Variants in MYZAP observed in about 807,000 individuals in gnomAD.
MYZAP encodes the protein myocardial zonula adherens protein.
Under a neutral mutation model 69.4 loss-of-function variants are expected in MYZAP, and 66 were observed. That is an observed-to-expected ratio of 0.95 (90% CI 0.78 to 1.17). The LOEUF (loss-of-function observed/expected upper bound fraction) is 1.17, where lower values mean the gene tolerates loss of function less well. Ranked by LOEUF, MYZAP falls within the 50% of genes most tolerant of loss-of-function variation. The probability of loss-of-function intolerance (pLI) is 0.00; values close to 1 mark genes in which losing one functional copy is unlikely to be tolerated. For missense variants in MYZAP, 611 were observed against 556.2 expected (o/e 1.10, Z -0.99); for synonymous variants, 256 against 205.9 (o/e 1.24, Z -2.09).
chr15:57,674,852 T>C (rs998015181), intron 11 of MYZAP, 116 bp from the exon 12 acceptor site: 1 of 805,482 alleles, frequency 1.2e-6, no homozygotes, highest in East Asian at 2.7e-5. Context: ...GTAAATACAT[T>C]GTGATAGTTG....
Position 57,661,527 on chromosome 15 carries a change from AG to A in MYZAP, c.1199del (p.Gly400GlufsTer13). On this transcript the variant is annotated frameshift_variant, in exon 11 of 13. Transcript: ENST00000267853. LOFTEE classifies it high-confidence loss of function. ...QLLEKISFLE[G>X]ENNELQSRLD... is the part of the protein sequence containing the mutation. ...TTTTAGAAAAGATATCTTTCTTAGA[AG>A]GAGAGGTAAGGATCTCTGTTTCTTT... The A allele has an allele frequency of 1.2e-6, 2 of 1,609,174 alleles. No homozygotes were observed. The highest frequency in any genetic ancestry group is 2.2e-5 in the South Asian group (2 of 89,870).
rs2035585316 is a variant in MYZAP, at chr15:57,618,055, A to T, written c.185A>T (p.Glu62Val). The change falls in exon 3 of 13, where the codon GAA (glutamate) becomes GTA (valine). Residue 62 changes from glutamate (E) to valine (V), a missense_variant. Glu to Val is a moderately radical substitution (Grantham distance 121). Coordinates refer to ENST00000267853, the MANE Select transcript of MYZAP (RefSeq NM_001018100.5). ...TAGCTTCTTGACCTGAGCAATGGAG[A>T]ACCTACCAGGAAACTTCCTCAGGGT... ...KEQLLDLSNG[E>V]PTRKLPQGVV... 1 of 1,613,772 alleles carries T rather than the reference A, an allele frequency of 6.2e-7. No homozygotes were observed. Among genetic ancestry groups the T allele is most frequent in the Non-Finnish European group, 8.5e-7 (1 of 1,179,996 alleles).
chr15:57,650,559 T>G (rs932471148), intron 10 of MYZAP, among the ~76,000 whole-genome samples: 2 of 152,222 alleles, frequency 1.3e-5, no homozygotes, highest in Non-Finnish European at 2.9e-5. Flanking sequence ...TGACTAGGCT[T>G]TGTATCTTGA....
intron 5 of MYZAP, among the ~76,000 whole-genome samples, chr15:57,628,379 C>T (rs2140422696): frequency 6.6e-6 from 1 of 152,216 alleles, no homozygotes; most frequent in African/African-American, 2.4e-5. Flanking sequence ...AAGTGATCCT[C>T]ATGCCTCAGC....
intron 11 of MYZAP, among the ~76,000 whole-genome samples, chr15:57,669,140 C>T (rs914148142): frequency 1.8e-4 from 28 of 152,076 alleles, no homozygotes; most frequent in African/African-American, 6.8e-4. Context: ...CAGCCCATGT[C>T]GGGTTCCCAA....
At chr15:57,594,865 T>C (rs1468274233) in intron 1 of MYZAP, among the ~76,000 whole-genome samples, 1 of 152,232 alleles carries the variant, frequency 6.6e-6, no homozygotes, top group Non-Finnish European at 1.5e-5. Context: ...GTACCTTTCA[T>C]TGAAAGTTGT....
intron 12 of MYZAP, among the ~76,000 whole-genome samples, chr15:57,680,521 G>C (rs2039382343): frequency 7.0e-6 from 1 of 142,758 alleles, no homozygotes; most frequent in African/African-American, 3.0e-5. Flanking sequence ...ACACACAAAT[G>C]TATGTGTGTA....
chr15:57,649,833 C>T (rs1301059235), intron 10 of MYZAP, among the ~76,000 whole-genome samples: 4 of 152,186 alleles, frequency 2.6e-5, no homozygotes, highest in Non-Finnish European at 5.9e-5. Context: ...CCTCTATCCT[C>T]TTTCTTACTC....
rs2037001938 is a variant in MYZAP, at chr15:57,639,428, T to C, written c.1014-12T>C. ...TTAGGACTCATTTGCTTTTTTCTCC[T>C]ATTTGTGTTAGGTATCAGCAGTTGG... On this transcript the variant is annotated splice_polypyrimidine_tract_variant and intron_variant, in intron 9 of 12. Transcript: ENST00000267853. 1 of 1,613,644 alleles carries C rather than the reference T, an allele frequency of 6.2e-7. No homozygotes were observed. The highest frequency in any genetic ancestry group is 8.5e-7 in the Non-Finnish European group (1 of 1,179,844).
At chr15:57,637,653 T>C in intron 8 of MYZAP, 42 bp from the exon 9 acceptor site, 1 of 1,597,232 alleles carries the variant, frequency 6.3e-7, no homozygotes, top group Non-Finnish European at 8.5e-7. Flanking sequence ...TCTGTCAAAC[T>C]TGGGATCCAT....
At chr15:57,660,452 C>T (rs1408169582) in intron 10 of MYZAP, among the ~76,000 whole-genome samples, 1 of 151,922 alleles carries the variant, frequency 6.6e-6, no homozygotes, top group African/African-American at 2.4e-5. Context: ...GTAGCTGGGA[C>T]TACAGGGACA....
At chr15:57,648,479 A>C in intron 10 of MYZAP, 3 of 985,176 alleles carry the variant, frequency 3.0e-6, no homozygotes, top group Non-Finnish European at 3.6e-6. Flanking sequence ...AAGGCTATGC[A>C]TATGGATGTC....
At chr15:57,662,113 C>T (rs1595923260) in intron 11 of MYZAP, among the ~76,000 whole-genome samples, 1 of 152,186 alleles carries the variant, frequency 6.6e-6, no homozygotes, top group East Asian at 1.9e-4. Context: ...GTATTCTTGA[C>T]TTTCTGGCTT....
At chr15:57,679,668 T>C (rs1412640076) in intron 12 of MYZAP, among the ~76,000 whole-genome samples, 2 of 152,190 alleles carry the variant, frequency 1.3e-5, no homozygotes, top group African/African-American at 4.8e-5. Context: ...TGATGGCTTC[T>C]TTTCCTCCTC....
chr15:57,680,881 C>T (rs577118042), intron 12 of MYZAP: 3 of 152,180 alleles, frequency 2.0e-5, no homozygotes, highest in Non-Finnish European at 4.4e-5. Context: ...TTTGCTGATT[C>T]TGCTATTGTT....
intron 3 of MYZAP, among the ~76,000 whole-genome samples, chr15:57,620,245 C>T (rs1342268858): frequency 6.6e-6 from 1 of 152,194 alleles, no homozygotes; most frequent in Admixed American, 6.5e-5. Flanking sequence ...TCCCTTCCCC[C>T]AAATCTCCAC....
chr15:57,630,485 CAAT>C (rs2036438872), intron 6 of MYZAP, among the ~76,000 whole-genome samples: 1 of 152,114 alleles, frequency 6.6e-6, no homozygotes, highest in Non-Finnish European at 1.5e-5. Context: ...TTTGGCTTGA[CAAT>C]AAAGAGCTGA....
At position 57,617,255 on chromosome 15, in the gene MYZAP, G is replaced by A. The variant is rs2035525101; in HGVS notation, c.163-778G>A. Among the ~76,000 whole-genome samples, 3 of 152,142 alleles carry A rather than the reference G, an allele frequency of 2.0e-5. No individual in the cohort carries two copies. In the South Asian group the frequency reaches 6.2e-4, roughly 32 times the overall value. On this transcript the variant is annotated intron_variant, in intron 2 of 12. Transcript: ENST00000267853. ...AATTGCTGTGTCATAGAGTGGTTGT[G>A]AACATTAAATGTGATTAGGAATATT...
chr15:57,600,634 T>C (rs150083537), intron 1 of MYZAP, among the ~76,000 whole-genome samples: 1 of 152,324 alleles, frequency 6.6e-6, no homozygotes, highest in East Asian at 1.9e-4. Context: ...GGATTACCCC[T>C]CTAAAATAAT....
Sources: allele counts gnomAD v4.1 joint callset (sites outside exome capture counted in the v4.1 genomes callset), GRCh38; gene constraint gnomAD v4.1.1; transcripts MANE v1.5; gene names NCBI Gene and HGNC (gene_info 2026-07-23, HGNC 2026-07-21).